Variants in NPHS2 observed in about 807,000 individuals in gnomAD.
NPHS2 encodes podocin.
NPHS2 carries 36 observed loss-of-function variants against 37.1 expected under a neutral mutation model. That is an observed-to-expected ratio of 0.97 (90% CI 0.74 to 1.28). The LOEUF is 1.28. Among genes scored for constraint, NPHS2 ranks in the 50% most tolerant of loss-of-function variants. The probability of loss-of-function intolerance (pLI) is 0.00; values close to 1 mark genes in which losing one functional copy is unlikely to be tolerated. For synonymous variants in NPHS2, 196 were observed against 189.3 expected, an observed-to-expected ratio of 1.04 and a Z score of -0.29; for missense variants, 447 against 488.1, an observed-to-expected ratio of 0.92 and a Z score of 0.79.
intron 5 of NPHS2, among the ~76,000 whole-genome samples, chr1:179,555,596 A>G (rs1673884643): frequency 6.6e-6 from 1 of 152,200 alleles, no homozygotes; most frequent in Non-Finnish European, 1.5e-5. Context: ...GAGAGTAAGG[A>G]ATGTTGATAA....
rs150461062 is a variant in NPHS2 at position 179,553,862 on chromosome 1, C to T, written c.794+614G>A. Among the ~76,000 whole-genome samples the T allele has an allele frequency of 5.2e-3, 785 of 152,030 alleles. 3 individuals carry two copies. The highest frequency in any genetic ancestry group is 0.018 in the African/African-American group (740 of 41,422). ...CCGGGTTCAAGTGATTCTCCTGCCT[C>T]AGCCTCCTGAGTAGCTGGGATTACA... is the stretch of plus-strand genomic sequence containing the variant. On this transcript the variant is annotated intron_variant, in intron 6 of 7. Coordinates refer to ENST00000367615, the MANE Select transcript of NPHS2 (RefSeq NM_014625.4).
At chr1:179,572,324 T>C (rs1006968156) in intron 1 of NPHS2, among the ~76,000 whole-genome samples, 3 of 152,220 alleles carry the variant, frequency 2.0e-5, no homozygotes, top group Non-Finnish European at 1.5e-5. Flanking sequence ...CATTAAGGTG[T>C]TGATCTCAAT....
At chr1:179,564,622 A>G in intron 2 of NPHS2, 68 bp downstream of exon 2, 1 of 1,284,144 alleles carries the variant, frequency 7.8e-7, no homozygotes, top group Non-Finnish European at 1.1e-6. Context: ...AACAGAAGTG[A>G]GAATGGGCAT....
chr1:179,567,940 G>C (rs1674399252), intron 1 of NPHS2, among the ~76,000 whole-genome samples: 1 of 151,388 alleles, frequency 6.6e-6, no homozygotes, highest in Admixed American at 6.6e-5. Flanking sequence ...TGGATGTGCT[G>C]CTGGATTCAT....
Position 179,557,248 on chromosome 1 carries a change from T to G in NPHS2, c.535-18A>C, listed in dbSNP as rs758398522. 2 of 1,606,448 alleles carry G rather than the reference T, an allele frequency of 1.2e-6. No homozygotes were observed. The highest frequency in any genetic ancestry group is 1.7e-6 in the Non-Finnish European group (2 of 1,173,176). On this transcript the variant is annotated intron_variant, in intron 4 of 7. Transcript: ENST00000367615. ...GTCACGATCTAGGCAGAAAAAAGTT[T>G]GGATGACAGGCTTGATTCTTGGGCT...
intron 2 of NPHS2, among the ~76,000 whole-genome samples, chr1:179,563,796 A>G (rs967983760): frequency 1.3e-5 from 2 of 152,226 alleles, no homozygotes; most frequent in Non-Finnish European, 2.9e-5. Context: ...ACCAAAATGT[A>G]TCTTGGGGAG....
Position 179,567,996 on chromosome 1 carries a change from A to T in NPHS2, c.275-3203T>A, listed in dbSNP as rs568264857. Among the ~76,000 whole-genome samples, 17 of 152,180 alleles carry T rather than the reference A, an allele frequency of 1.1e-4. No individual in the cohort carries two copies. The East Asian group carries it at 3.3e-3, about 29-fold the overall frequency. On this transcript the variant is annotated intron_variant, in intron 1 of 7. Transcript: ENST00000367615. ...ATTTTTGCATCGATGTTCATCAGGGATATTGGTCTAAAATTCTCTTTTTTT... is the reference window on the plus strand; with the variant it reads ...ATTTTTGCATCGATGTTCATCAGGGTTATTGGTCTAAAATTCTCTTTTTTT...
chr1:179,559,625 G>T, intron 4 of NPHS2, 54 bp downstream of exon 4: 2 of 1,129,092 alleles, frequency 1.8e-6, no homozygotes, highest in South Asian at 2.7e-5. Flanking sequence ...TTTGTCCACG[G>T]TAGGTAGACC....
intron 1 of NPHS2, among the ~76,000 whole-genome samples, chr1:179,569,850 T>A (rs1246177711): frequency 2.0e-5 from 3 of 152,198 alleles, no homozygotes; most frequent in African/African-American, 7.2e-5. Flanking sequence ...TTATTTTCTT[T>A]AAGAATGTTG....
chr1:179,553,851 T>C (rs1673671626), intron 6 of NPHS2, among the ~76,000 whole-genome samples: 1 of 152,012 alleles, frequency 6.6e-6, no homozygotes, highest in Admixed American at 6.6e-5. Flanking sequence ...GTTCAAGTGA[T>C]TCTCCTGCCT....
At chr1:179,561,544 G>A (rs1377804638) in intron 2 of NPHS2, among the ~76,000 whole-genome samples, 183 bp from the exon 3 acceptor site, 1 of 152,126 alleles carries the variant, frequency 6.6e-6, no homozygotes, top group Non-Finnish European at 1.5e-5. Context: ...AAATGAAAAA[G>A]TATATTAACC....
At chr1:179,567,499 T>A (rs1235106557) in intron 1 of NPHS2, among the ~76,000 whole-genome samples, 4 of 152,140 alleles carry the variant, frequency 2.6e-5, no homozygotes, top group African/African-American at 9.7e-5. Context: ...ATATACAATC[T>A]TGTCATCTGC....
intron 1 of NPHS2, among the ~76,000 whole-genome samples, chr1:179,568,760 T>C (rs1051887532): frequency 1.3e-5 from 2 of 152,244 alleles, no homozygotes; most frequent in South Asian, 4.1e-4. Flanking sequence ...GTCTTTGTTC[T>C]CATTGGTTTC....
intron 1 of NPHS2, among the ~76,000 whole-genome samples, chr1:179,575,049 C>T (rs1489087848): frequency 6.6e-6 from 1 of 152,312 alleles, no homozygotes; most frequent in East Asian, 1.9e-4. Flanking sequence ...TTCCTATGAT[C>T]ACATGGCTAG....
chr1:179,557,080 G>A lies in NPHS2; in HGVS notation c.685C>T (p.Arg229Ter), dbSNP rs1057516414. 6.2e-7 allele frequency: 1 copy of A among 1,614,076 alleles called. No individual in the cohort carries two copies. Among genetic ancestry groups the A allele is most frequent in the Non-Finnish European group, 8.5e-7 (1 of 1,179,974 alleles). The change falls in exon 5 of 8, where the codon CGA becomes TGA. Residue 229 changes from arginine to a stop codon, truncating the protein, a stop_gained. Coordinates refer to ENST00000367615, the MANE Select transcript of NPHS2 (RefSeq NM_014625.4). LOFTEE classifies it high-confidence loss of function. ...TCTAGAAGAATTTCAGTGAGGGATC[G>A]ATGTGCTAGGAGACGCTTCATAGTG... Reference protein sequence around the residue: ...QTTMKRLLAHRSLTEILLERK... With the variant: ...QTTMKRLLAH
At chr1:179,560,591 C>A (rs1434319760) in intron 3 of NPHS2, among the ~76,000 whole-genome samples, 3 of 152,092 alleles carry the variant, frequency 2.0e-5, no homozygotes, top group Non-Finnish European at 2.9e-5. Context: ...TGTCCCTAGT[C>A]TGGTCTCTGT....
At position 179,575,928 on chromosome 1, in the gene NPHS2, C is replaced by A; in HGVS notation, c.-64G>T. ...GCGCTAGGGGCACGGGAGCGCAGTC[C>A]CTGTGGAGTCGCTGCGGGTCCGCGT... On this transcript the variant is annotated 5_prime_UTR_variant, in exon 1 of 8. Transcript: ENST00000367615. 1 of 1,308,778 alleles carries A rather than the reference C, an allele frequency of 7.6e-7. No individual in the cohort carries two copies. The highest frequency in any genetic ancestry group is 9.7e-7 in the Non-Finnish European group (1 of 1,030,798). 81.1% of individuals were successfully genotyped at this position (1,308,778 alleles called of 1,614,324 possible).
chr1:179,556,959 A>G lies in NPHS2; in HGVS notation c.738+68T>C. ...GAACTGGCCATAGAAGATTTAATAAATGTCCAATGAACAAATGAATAAAAG... is the reference window on the plus strand; with the variant it reads ...GAACTGGCCATAGAAGATTTAATAAGTGTCCAATGAACAAATGAATAAAAG... On this transcript the variant is annotated intron_variant, in intron 5 of 7. Transcript: ENST00000367615. This position sits in a 1 kb window ranked among gnomAD's most constrained non-coding sequence, Gnocchi z 4.1. 2.1e-6 allele frequency: 3 copies of G among 1,403,280 alleles called. No homozygotes were observed. The highest frequency in any genetic ancestry group is 3.9e-5 in the Admixed American group (2 of 51,458). The allele number at this position is 1,403,280 out of a possible 1,614,324, so 86.9% of individuals were successfully genotyped here. A position where few individuals can be genotyped will look rare whatever the true frequency, so the allele number is the denominator to read the frequency against.
At chr1:179,564,350 G>C in intron 2 of NPHS2, among the ~76,000 whole-genome samples, 1 of 152,192 alleles carries the variant, frequency 6.6e-6, no homozygotes, top group East Asian at 1.9e-4. Flanking sequence ...GAAGTTTCGT[G>C]GAAGTGTGTG....
Sources: gnomAD v4.1 joint callset for allele counts (sites outside exome capture counted in the v4.1 genomes callset) on GRCh38, gnomAD v4.1.1 for gene constraint, Gnocchi (gnomAD v3.1) non-coding constraint, MANE v1.5 for transcripts, NCBI Gene and HGNC (gene_info 2026-07-23, HGNC 2026-07-21) for gene names.